Variants in PRKN observed in about 807,000 individuals in gnomAD.
PRKN encodes the protein E3 ubiquitin-protein ligase parkin.
A neutral mutation model predicts 59.5 loss-of-function variants in PRKN; 56 were observed. The ratio of observed to expected loss-of-function variants is 0.94; its 90% confidence interval spans 0.76 to 1.18. PRKN has a LOEUF of 1.18. Among genes scored for constraint, PRKN ranks in the 50% most tolerant of loss-of-function variants. PRKN has a pLI of 0.00. For missense variants in PRKN, 657 were observed against 596.4 expected (o/e 1.10, Z -1.06); for synonymous variants, 250 against 222.1 (o/e 1.13, Z -1.12).
chr6:162,148,250 T>G (rs911081496), intron 4 of PRKN, among the ~76,000 whole-genome samples: 1 of 152,224 alleles, frequency 6.6e-6, no homozygotes, highest in African/African-American at 2.4e-5. Context: ...GTTCTTATTC[T>G]ACTTTAACCA....
chr6:162,510,144 C>T (rs1203187837), intron 1 of PRKN, among the ~76,000 whole-genome samples: 1 of 152,196 alleles, frequency 6.6e-6, no homozygotes, highest in Non-Finnish European at 1.5e-5. Context: ...GCCAAAACAA[C>T]AGTCGGCACC....
chr6:161,857,633 G>T (rs2155487), intron 6 of PRKN, among the ~76,000 whole-genome samples: 75,788 of 152,096 alleles, frequency 0.5, 19,139 homozygotes, highest in East Asian at 0.76. Flanking sequence ...TTAAAATGTT[G>T]AGACACAGCT....
chr6:162,395,175 T>C (rs529547464), intron 2 of PRKN, among the ~76,000 whole-genome samples: 26 of 152,332 alleles, frequency 1.7e-4, no homozygotes, highest in Admixed American at 1.2e-3. Flanking sequence ...TTGGTAGTCA[T>C]ACTCTAGCAT....
intron 2 of PRKN, among the ~76,000 whole-genome samples, chr6:162,269,385 C>T (rs75879042): frequency 0.021 from 3,202 of 152,236 alleles, 113 homozygotes; most frequent in African/African-American, 0.074. Context: ...TTCCAGATGG[C>T]GTTAGTAACT....
chr6:162,228,341 C>T (rs1778275748), intron 3 of PRKN, among the ~76,000 whole-genome samples: 1 of 152,100 alleles, frequency 6.6e-6, no homozygotes, highest in South Asian at 2.1e-4. Flanking sequence ...ATTTTAGATG[C>T]AAAGCATAAG....
intron 7 of PRKN, among the ~76,000 whole-genome samples, chr6:161,631,437 G>A (rs970285158): frequency 1.3e-5 from 2 of 152,166 alleles, no homozygotes; most frequent in African/African-American, 4.8e-5. Flanking sequence ...GCTTTGCCAC[G>A]TGTTTTATGC....
rs1247187053 is a variant in PRKN at position 161,946,414 on chromosome 6, A to ACACACACACACTCT, written c.734+26887_734+26888insAGAGTGTGTGTGTG. On this transcript the variant is annotated intron_variant, in intron 6 of 11. Transcript: ENST00000366898. The stretch of plus-strand genomic sequence containing the variant: ...CACACACACACACACACACACACAC[A>ACACACACACACTCT]CTCTCTCTCTCTCTCTCTCTCTCTC... Among the ~76,000 whole-genome samples, 172 of 114,432 alleles carry ACACACACACACTCT rather than the reference A, an allele frequency of 1.5e-3. 1 individual carries two copies. Among genetic ancestry groups the ACACACACACACTCT allele is most frequent in the Middle Eastern group, 4.6e-3 (1 of 216 alleles). 75.1% of individuals were successfully genotyped at this position (114,432 alleles called of 152,430 possible).
intron 6 of PRKN, among the ~76,000 whole-genome samples, chr6:161,806,924 C>G (rs1250682825): frequency 6.6e-6 from 1 of 152,160 alleles, no homozygotes; most frequent in African/African-American, 2.4e-5. Context: ...ATCATCCGAA[C>G]ACCACCTGCA....
rs138818317 is a variant in PRKN, at chr6:162,052,739, A to G, written c.618+1352T>C. On this transcript the variant is annotated intron_variant, in intron 5 of 11. Coordinates refer to ENST00000366898, the MANE Select transcript of PRKN (RefSeq NM_004562.3). ...TCTAACATTATACACATAATGTTGTATATATGTATACCATATACATACATA... is the reference window on the plus strand; with the variant it reads ...TCTAACATTATACACATAATGTTGTGTATATGTATACCATATACATACATA... Among the ~76,000 whole-genome samples the G allele has an allele frequency of 4.8e-3, 731 of 152,296 alleles. 7 individuals are homozygous for G. The highest frequency in any genetic ancestry group is 7.5e-3 in the Non-Finnish European group (511 of 68,032).
At chr6:162,676,201 C>T (rs1779537357) in intron 1 of PRKN, among the ~76,000 whole-genome samples, 1 of 152,102 alleles carries the variant, frequency 6.6e-6, no homozygotes, top group South Asian at 2.1e-4. Flanking sequence ...ATGTTTACTA[C>T]TGGAGGGAAT....
intron 1 of PRKN, among the ~76,000 whole-genome samples, chr6:162,540,512 A>G (rs1251951454): frequency 6.6e-6 from 1 of 152,168 alleles, no homozygotes; most frequent in Non-Finnish European, 1.5e-5. Context: ...TAAAATTATA[A>G]GAGTATATTA....
intron 6 of PRKN, among the ~76,000 whole-genome samples, chr6:161,841,498 T>G (rs1163986955): frequency 6.6e-6 from 1 of 152,058 alleles, no homozygotes; most frequent in Non-Finnish European, 1.5e-5. Flanking sequence ...TACAGGCGTG[T>G]GCCACCACGC....
intron 1 of PRKN, among the ~76,000 whole-genome samples, chr6:162,447,954 C>T (rs1428050756): frequency 6.6e-6 from 1 of 152,196 alleles, no homozygotes; most frequent in African/African-American, 2.4e-5. Flanking sequence ...ATATCCAGAA[C>T]TGTCAAAGGT....
At position 162,380,456 on chromosome 6, in the gene PRKN, C is replaced by T. The variant is rs1173516525; in HGVS notation, c.171+62854G>A. Among the ~76,000 whole-genome samples the T allele has an allele frequency of 5.0e-5, 4 of 79,354 alleles. No individual in the cohort carries two copies. In the South Asian group the frequency reaches 1.7e-3, roughly 33 times the overall value. The allele number at this position is 79,354 out of a possible 152,430, so 52.1% of individuals were successfully genotyped here. A position where few individuals can be genotyped will look rare whatever the true frequency, so the allele number is the denominator to read the frequency against. On this transcript the variant is annotated intron_variant, in intron 2 of 11. Coordinates refer to ENST00000366898, the MANE Select transcript of PRKN (RefSeq NM_004562.3). ...GTGTATATATATATATGTATATATA[C>T]ACACATATATATGTGTGTATATATA...
At position 162,260,488 on chromosome 6, in the gene PRKN, C is replaced by T. The variant is rs182019989; in HGVS notation, c.412+2037G>A. ...TCAGTGCCTACTGGTACTTCAGACC[C>T]TATATAGAGAGAATACTATATTTTC... On this transcript the variant is annotated intron_variant, in intron 3 of 11. Coordinates refer to ENST00000366898, the MANE Select transcript of PRKN (RefSeq NM_004562.3). Among the ~76,000 whole-genome samples the T allele has an allele frequency of 6.7e-4, 102 of 152,138 alleles. 1 individual carries two copies. Among genetic ancestry groups the T allele is most frequent in the Non-Finnish European group, 1.0e-3 (68 of 67,994 alleles).
chr6:162,438,539 C>T (rs552484840), intron 2 of PRKN, among the ~76,000 whole-genome samples: 27 of 152,076 alleles, frequency 1.8e-4, no homozygotes, highest in Admixed American at 5.2e-4. Flanking sequence ...TCTTCCTGAA[C>T]GACATTTTCA....
chr6:162,173,248 G>A (rs1373035716), intron 4 of PRKN, among the ~76,000 whole-genome samples: 2 of 152,088 alleles, frequency 1.3e-5, no homozygotes, highest in Non-Finnish European at 2.9e-5. Context: ...TCTTACTACA[G>A]TCATTGCCCC....
chr6:161,721,376 T>C (rs549350469), intron 7 of PRKN, among the ~76,000 whole-genome samples: 3 of 152,262 alleles, frequency 2.0e-5, no homozygotes, highest in African/African-American at 7.2e-5. Context: ...ATACATAGTT[T>C]CTCTAGCAGG....
intron 6 of PRKN, among the ~76,000 whole-genome samples, chr6:161,869,731 C>T (rs1183453608): frequency 6.6e-6 from 1 of 152,150 alleles, no homozygotes; most frequent in African/African-American, 2.4e-5. Context: ...AAGAGCTCTT[C>T]AGCTGTCTTC....
Sources: allele counts gnomAD v4.1 joint callset (sites outside exome capture counted in the v4.1 genomes callset), GRCh38; gene constraint gnomAD v4.1.1; transcripts MANE v1.5; gene names NCBI Gene and HGNC (gene_info 2026-07-23, HGNC 2026-07-21).